CD99L2: variants seen among roughly 807,000 people sequenced by gnomAD.
CD99L2 encodes the protein CD99 molecule like 2, also known as CD99 antigen-like protein 2.
In CD99L2, 24 loss-of-function variants were observed where a neutral mutation model predicts 27.3. The observed-to-expected ratio is 0.88, with a 90% CI of 0.64 to 1.24. The LOEUF is 1.24. Ranked by LOEUF, CD99L2 falls within the 50% of genes most tolerant of loss-of-function variation. The pLI is 0.00. For synonymous variants in CD99L2, 97 were observed against 87.9 expected (o/e 1.10, Z -0.58); for missense variants, 255 against 221.6 (o/e 1.15, Z -0.96).
At position 150,814,923 on chromosome X, in the gene CD99L2, G is replaced by A; in HGVS notation, c.216C>T (p.Asp72=). 1 of 1,211,347 alleles carries A rather than the reference G, an allele frequency of 8.3e-7. No individual in the cohort carries two copies. The highest frequency in any genetic ancestry group is 1.1e-6 in the Non-Finnish European group (1 of 895,228). ...CTTGATCATCCAAAGCATCAGCCAA[G>A]TCCAATCCACTACCTTCAGTGGGCC... ...APAKPPGSGL[D]LADALDDQDD... Residue 72 remains aspartate, a synonymous_variant, in exon 4 of 11, where the codon GAC becomes GAT. Transcript: ENST00000370377.
At chrX:150,815,195 G>T (rs782485088) in intron 3 of CD99L2, among the ~76,000 whole-genome samples, 31 of 111,884 alleles carry the variant, frequency 2.8e-4, no homozygotes, top group Non-Finnish European at 4.1e-4. Flanking sequence ...GGTATTTTCT[G>T]CTTAGGCTAG....
chrX:150,793,808 A>G (rs782058248), intron 6 of CD99L2, 52 bp from the exon 7 acceptor site: 1 of 1,024,400 alleles, frequency 9.8e-7, no homozygotes, highest in South Asian at 2.2e-5. Context: ...AATCAGCAAC[A>G]AGAAACTTGT....
At position 150,842,153 on chromosome X, in the gene CD99L2, A is replaced by T. The variant is rs138616619; in HGVS notation, c.68-10860T>A. Among the ~76,000 whole-genome samples, 803 of 112,242 alleles carry T rather than the reference A, an allele frequency of 7.2e-3. 8 individuals are homozygous for T. The highest frequency in any genetic ancestry group is 0.023 in the African/African-American group (726 of 30,924). ...GGCCACCAAGAATTCCTTTTAATGT[A>T]AAAAGCACCTAATGAGCTGATAATA... On this transcript the variant is annotated intron_variant, in intron 1 of 10. Transcript: ENST00000370377.
intron 1 of CD99L2, among the ~76,000 whole-genome samples, chrX:150,896,376 C>A (rs2047610905): frequency 8.9e-6 from 1 of 112,127 alleles, no homozygotes; most frequent in Admixed American, 9.5e-5. Context: ...CCAGCCTGAG[C>A]AACAGAGCTA....
rs542293488 is a variant in CD99L2, at chrX:150,789,755, C to T, written c.496+3936G>A. Among the ~76,000 whole-genome samples the T allele has an allele frequency of 1.2e-4, 13 of 111,538 alleles. No homozygotes were observed. In the South Asian group the frequency reaches 4.9e-3, roughly 42 times the overall value. Reference sequence around the variant, plus strand: ...TAAAAGTTAGTCAAGTATGGTGGTGCGTATCTATGGTCCCAGATACTCAGG... The same window carrying T: ...TAAAAGTTAGTCAAGTATGGTGGTGTGTATCTATGGTCCCAGATACTCAGG... On this transcript the variant is annotated intron_variant, in intron 7 of 10. Coordinates refer to ENST00000370377, the MANE Select transcript of CD99L2 (RefSeq NM_031462.4).
intron 1 of CD99L2, among the ~76,000 whole-genome samples, chrX:150,831,829 G>A (rs180706581): frequency 4.5e-5 from 5 of 111,481 alleles, no homozygotes; most frequent in African/African-American, 9.8e-5. Context: ...ATGCTAAAGG[G>A]GTCAATTCAT....
chrX:150,782,952 A>T (rs1219676349), intron 7 of CD99L2, among the ~76,000 whole-genome samples: 1 of 111,143 alleles, frequency 9.0e-6, no homozygotes, highest in Admixed American at 9.6e-5. Context: ...AATGGAAGAG[A>T]AATGTTTTCT....
chrX:150,808,307 T>A (rs574482854), intron 4 of CD99L2, among the ~76,000 whole-genome samples: 1 of 112,431 alleles, frequency 8.9e-6, no homozygotes, highest in African/African-American at 3.2e-5. Flanking sequence ...CTGGGCTCCA[T>A]AGATTATGAA....
In CD99L2 at chrX:150,831,242, G is replaced by C; in HGVS notation, c.119C>G (p.Ser40Cys). Residue 40 changes from serine to cysteine, a missense_variant, in exon 2 of 11, where the codon TCC (serine) becomes TGC (cysteine). Ser to Cys is a moderately radical substitution (Grantham distance 112). Coordinates refer to ENST00000370377, the MANE Select transcript of CD99L2 (RefSeq NM_031462.4). Reference sequence around the variant, plus strand: ...GATTTACTACTCACGCTTTACTGAGGAAGTTTCTTTCACTGCATCCTCCAG... The same window carrying C: ...GATTTACTACTCACGCTTTACTGAGCAAGTTTCTTTCACTGCATCCTCCAG... ...FNLEDAVKET[S>C]SVKQPWDHTT... 1 of 1,201,929 alleles carries C rather than the reference G, an allele frequency of 8.3e-7. No homozygotes were observed. The highest frequency in any genetic ancestry group is 1.1e-6 in the Non-Finnish European group (1 of 889,021).
At chrX:150,776,446 C>T (rs908695373) in intron 8 of CD99L2, among the ~76,000 whole-genome samples, 153 bp from the exon 9 acceptor site, 1 of 111,778 alleles carries the variant, frequency 8.9e-6, no homozygotes. Context: ...CACAGATCTA[C>T]GGCATTACAA....
chrX:150,851,613 C>A (rs1389133033), intron 1 of CD99L2, among the ~76,000 whole-genome samples: 1 of 112,068 alleles, frequency 8.9e-6, no homozygotes, highest in Non-Finnish European at 1.9e-5. Context: ...CCTTGCAGTT[C>A]CAGAGATCAG....
chrX:150,825,258 T>G (rs2046351858), intron 2 of CD99L2, among the ~76,000 whole-genome samples: 1 of 112,363 alleles, frequency 8.9e-6, no homozygotes, highest in Non-Finnish European at 1.9e-5. Flanking sequence ...AGCTTAAAAT[T>G]TGCATGACTC....
In CD99L2 at chrX:150,767,086, T is replaced by C. The variant is rs1557418679; in HGVS notation, c.*1948A>G. On this transcript the variant is annotated 3_prime_UTR_variant, in exon 11 of 11. Transcript: ENST00000370377. ...CCATAAAGGTAAAGTGGACAACCCC[T>C]GAGGTCACGCTGTCCAGGTGGCGAC... 2 of 111,916 alleles carry C rather than the reference T, an allele frequency of 1.8e-5. No individual in the cohort carries two copies. Among genetic ancestry groups the C allele is most frequent in the East Asian group, 2.8e-4 (1 of 3,563 alleles). The allele number at this position is 111,916 out of a possible 1,213,427, so 9.2% of individuals were successfully genotyped here.
chrX:150,803,042 C>T (rs1254892887), intron 4 of CD99L2, among the ~76,000 whole-genome samples: 2 of 106,443 alleles, frequency 1.9e-5, no homozygotes, highest in South Asian at 4.3e-4. Context: ...ATTACAGATG[C>T]GTGCCACTAC....
At chrX:150,798,037 G>A (rs1156784851) in intron 4 of CD99L2, among the ~76,000 whole-genome samples, 3 of 87,840 alleles carry the variant, frequency 3.4e-5, no homozygotes, top group Admixed American at 2.7e-4. Context: ...ATGAGACCCC[G>A]TCAAAAAAAA....
chrX:150,820,182 G>A (rs2046223830), intron 2 of CD99L2, among the ~76,000 whole-genome samples: 1 of 109,443 alleles, frequency 9.1e-6, no homozygotes. Flanking sequence ...ATGACCAAGA[G>A]GGGTTTATCT....
At chrX:150,789,491 A>C (rs782677191) in intron 7 of CD99L2, among the ~76,000 whole-genome samples, 2 of 111,793 alleles carry the variant, frequency 1.8e-5, no homozygotes, top group South Asian at 3.7e-4. Flanking sequence ...ATTTTCTCCA[A>C]ATCTGTGGCT....
At chrX:150,788,794 T>C (rs1557419637) in intron 7 of CD99L2, among the ~76,000 whole-genome samples, 1 of 111,874 alleles carries the variant, frequency 8.9e-6, no homozygotes, top group Non-Finnish European at 1.9e-5. Context: ...TGCTAGGTCA[T>C]ATGGCAAGTC....
In CD99L2 at chrX:150,771,045, T is replaced by C. The variant is rs1603283269; in HGVS notation, c.656-676A>G. The stretch of plus-strand genomic sequence containing the variant: ...ATTCCCTCCCGCCAGCAAGGGCCAG[T>C]GTTCAAGTTCTTAGAGTGGACCCCA... On this transcript the variant is annotated intron_variant, in intron 9 of 10. Transcript: ENST00000370377. Among the ~76,000 whole-genome samples the C allele has an allele frequency of 2.7e-5, 3 of 112,413 alleles. No homozygotes were observed. The East Asian group carries it at 8.4e-4, about 32-fold the overall frequency.
Sources: allele counts gnomAD v4.1 joint callset (sites outside exome capture counted in the v4.1 genomes callset), GRCh38; gene constraint gnomAD v4.1.1; transcripts MANE v1.5; gene names NCBI Gene and HGNC (gene_info 2026-07-23, HGNC 2026-07-21).